The following TMEFF1 variants were observed in gnomAD, a reference collection of about 807,000 sequenced individuals.
TMEFF1 encodes the protein transmembrane protein with EGF like and two follistatin like domains 1, also known as tomoregulin-1.
TMEFF1 carries 20 observed loss-of-function variants against 47.5 expected under a neutral mutation model. The ratio of observed to expected loss-of-function variants is 0.42; its 90% confidence interval spans 0.30 to 0.61. The LOEUF (loss-of-function observed/expected upper bound fraction) is 0.61, where lower values mean the gene tolerates loss of function less well. Ranked by LOEUF, TMEFF1 falls within the 20% of genes least tolerant of loss-of-function variation. The pLI is 0.19. For missense variants in TMEFF1, 411 were observed against 471.1 expected (o/e 0.87, Z 1.18); for synonymous variants, 162 against 166.3 (o/e 0.97, Z 0.20).
At chr9:100,561,770 A>G (rs1248491254) in intron 8 of TMEFF1, among the ~76,000 whole-genome samples, 1 of 152,176 alleles carries the variant, frequency 6.6e-6, no homozygotes, top group Non-Finnish European at 1.5e-5. Context: ...AATACAAAAA[A>G]TAAATGTGCC....
intron 5 of TMEFF1, among the ~76,000 whole-genome samples, chr9:100,524,229 T>C (rs1838216208): frequency 6.6e-6 from 1 of 152,220 alleles, no homozygotes; most frequent in African/African-American, 2.4e-5. Flanking sequence ...AAATGTATAC[T>C]GTATACAAAA....
rs192647239 is a variant in TMEFF1 at position 100,539,399 on chromosome 9, G to C, written c.561-8345G>C. ...TGTGGACCCTCGCGATGAGTGTTAC[G>C]GTTCTTAAAGATGGTATGTCCGGAG... On this transcript the variant is annotated intron_variant, in intron 5 of 9. Coordinates refer to ENST00000374879, the MANE Select transcript of TMEFF1 (RefSeq NM_003692.5). Among the ~76,000 whole-genome samples the C allele has an allele frequency of 7.2e-5, 11 of 152,192 alleles. No individual in the cohort carries two copies. The East Asian group carries it at 1.9e-3, about 27-fold the overall frequency.
chr9:100,483,069 C>G (rs1837371127), intron 1 of TMEFF1, among the ~76,000 whole-genome samples: 1 of 151,980 alleles, frequency 6.6e-6, no homozygotes. Context: ...TTCTTTAACT[C>G]CATTGTCATT....
intron 2 of TMEFF1, among the ~76,000 whole-genome samples, chr9:100,504,041 C>T (rs1837813423): frequency 6.6e-6 from 1 of 152,150 alleles, no homozygotes; most frequent in East Asian, 1.9e-4. Flanking sequence ...GGATGCAGTT[C>T]CAGAGTCGTA....
chr9:100,519,022 GTTA>G (rs557089666), intron 5 of TMEFF1, among the ~76,000 whole-genome samples: 274 of 152,200 alleles, frequency 1.8e-3, no homozygotes, highest in Middle Eastern at 6.8e-3. Flanking sequence ...TAAACTTTTA[GTTA>G]TTAAGAACAA....
intron 5 of TMEFF1, among the ~76,000 whole-genome samples, chr9:100,536,466 T>C (rs1032412420): frequency 1.8e-4 from 27 of 152,048 alleles, no homozygotes; most frequent in African/African-American, 6.3e-4. Flanking sequence ...GGTTCACAAT[T>C]AATTTAATAC....
intron 2 of TMEFF1, among the ~76,000 whole-genome samples, chr9:100,499,148 A>G (rs1837711976): frequency 1.3e-5 from 2 of 152,212 alleles, no homozygotes; most frequent in Admixed American, 1.3e-4. Flanking sequence ...TGTCACTGAA[A>G]GGAAAGAGGT....
intron 8 of TMEFF1, among the ~76,000 whole-genome samples, chr9:100,567,728 A>G (rs937772324): frequency 1.3e-5 from 2 of 152,338 alleles, no homozygotes; most frequent in African/African-American, 2.4e-5. Context: ...TAACAGAAGA[A>G]GAAGTAATAA....
intron 2 of TMEFF1, among the ~76,000 whole-genome samples, chr9:100,499,962 G>T (rs1837727774): frequency 6.6e-6 from 1 of 152,130 alleles, no homozygotes; most frequent in Non-Finnish European, 1.5e-5. Flanking sequence ...TGATAGGAGG[G>T]TTTCTCTTGG....
intron 2 of TMEFF1, among the ~76,000 whole-genome samples, chr9:100,499,934 A>G (rs777481960): frequency 3.3e-5 from 5 of 152,158 alleles, no homozygotes; most frequent in Non-Finnish European, 5.9e-5. Context: ...AAGGGGCTTT[A>G]CATTCAATTA....
At chr9:100,558,191 C>G (rs911473394) in intron 7 of TMEFF1, among the ~76,000 whole-genome samples, 24 of 152,242 alleles carry the variant, frequency 1.6e-4, no homozygotes, top group African/African-American at 4.8e-4. Context: ...TCTTGAAATT[C>G]CTTGCTGTTT....
chr9:100,525,719 C>T (rs79399022), intron 5 of TMEFF1, among the ~76,000 whole-genome samples: 1 of 152,186 alleles, frequency 6.6e-6, no homozygotes, highest in Non-Finnish European at 1.5e-5. Flanking sequence ...TTCTAACCCT[C>T]TAATCACTGT....
chr9:100,561,775 TG>T (rs1439881513), intron 8 of TMEFF1, among the ~76,000 whole-genome samples: 1 of 152,088 alleles, frequency 6.6e-6, no homozygotes, highest in African/African-American at 2.4e-5. Context: ...AAAAAATAAA[TG>T]TGCCACATTC....
intron 1 of TMEFF1, among the ~76,000 whole-genome samples, chr9:100,486,777 C>A (rs1043531035): frequency 1.3e-5 from 2 of 152,084 alleles, no homozygotes; most frequent in African/African-American, 4.8e-5. Flanking sequence ...AGACCACAGA[C>A]GTGTGCCACC....
At chr9:100,516,185 A>T (rs1238918550) in intron 4 of TMEFF1, among the ~76,000 whole-genome samples, 2 of 152,012 alleles carry the variant, frequency 1.3e-5, no homozygotes, top group Non-Finnish European at 2.9e-5. Flanking sequence ...ATTTTTTTTT[A>T]AACTCTGAAA....
chr9:100,537,537 A>G (rs1010281741), intron 5 of TMEFF1, among the ~76,000 whole-genome samples: 1 of 152,212 alleles, frequency 6.6e-6, no homozygotes, highest in African/African-American at 2.4e-5. Context: ...CCTTGGTGAG[A>G]TAGTAAGCTG....
At chr9:100,549,714 A>C (rs373143304) in intron 6 of TMEFF1, among the ~76,000 whole-genome samples, 3 of 152,280 alleles carry the variant, frequency 2.0e-5, no homozygotes, top group Admixed American at 6.5e-5. Flanking sequence ...CATTTATCTT[A>C]ATCTGATATT....
In TMEFF1 at chr9:100,478,296, T is replaced by C. The variant is rs186199383; in HGVS notation, c.196+4556T>C. 4.7e-3 allele frequency among the ~76,000 whole-genome samples: 723 copies of C among 152,352 alleles called. 10 individuals are homozygous for C. Among genetic ancestry groups the C allele is most frequent in the Non-Finnish European group, 3.5e-3 (238 of 68,040 alleles). ...CAATGGGCCTTTGGTTTATCTCTTC[T>C]TGTTCTCAACAAGACTTTTTTGTTT... On this transcript the variant is annotated intron_variant, in intron 1 of 9. Coordinates refer to ENST00000374879, the MANE Select transcript of TMEFF1 (RefSeq NM_003692.5).
intron 3 of TMEFF1, 37 bp from the exon 4 acceptor site, chr9:100,513,270 A>G (rs1161631052): frequency 4.4e-6 from 7 of 1,574,286 alleles, no homozygotes; most frequent in Non-Finnish European, 6.0e-6. Flanking sequence ...AATTTCCGGG[A>G]AAAATGTTCA....
Sources: gnomAD v4.1 joint callset for allele counts (sites outside exome capture counted in the v4.1 genomes callset) on GRCh38, gnomAD v4.1.1 for gene constraint, MANE v1.5 for transcripts, NCBI Gene and HGNC (gene_info 2026-07-23, HGNC 2026-07-21) for gene names.